RSU1: variants seen among roughly 807,000 people sequenced by gnomAD.
RSU1 encodes Ras suppressor protein 1, also known as rsu-1.
RSU1 carries 26 observed loss-of-function variants against 31.1 expected under a neutral mutation model. The observed-to-expected ratio is 0.84, with a 90% confidence interval of 0.61 to 1.16. RSU1 has a LOEUF of 1.16. Ranked by LOEUF, RSU1 falls within the 50% of genes most tolerant of loss-of-function variation. The pLI is 0.00. For synonymous variants in RSU1, 164 were observed against 136.3 expected (o/e 1.20, Z -1.41); for missense variants, 320 against 339.1 (o/e 0.94, Z 0.44).
chr10:16,619,629 G>C (rs1834035754), intron 8 of RSU1, among the ~76,000 whole-genome samples: 1 of 151,766 alleles, frequency 6.6e-6, no homozygotes, highest in African/African-American at 2.4e-5. Context: ...CAGCTCAATG[G>C]TACATCAAAT....
chr10:16,776,493 A>G (rs1176457412), intron 3 of RSU1, among the ~76,000 whole-genome samples: 1 of 143,462 alleles, frequency 7.0e-6, no homozygotes, highest in Non-Finnish European at 1.5e-5. Flanking sequence ...GTGTATATTA[A>G]AAAAAAAAAA....
chr10:16,775,607 C>T (rs1190894019), intron 3 of RSU1, among the ~76,000 whole-genome samples: 4 of 152,178 alleles, frequency 2.6e-5, no homozygotes, highest in African/African-American at 9.7e-5. Flanking sequence ...CTGGCCTTGG[C>T]TGCACTGGTT....
rs762891402 is a variant in RSU1, at chr10:16,764,373, G to A, written c.281+17C>T. 5.2e-5 allele frequency: 84 copies of A among 1,601,672 alleles called. No homozygotes were observed. The highest frequency in any genetic ancestry group is 2.7e-4 in the East Asian group (12 of 44,420). On this transcript the variant is annotated intron_variant, in intron 4 of 8. Coordinates refer to ENST00000345264, the MANE Select transcript of RSU1 (RefSeq NM_012425.4). ...CACTCTCTTCCTCTCCATCCTTTCC[G>A]CTCCACTGATACTCACCCAAGGTTC...
At chr10:16,734,114 A>G (rs899127029) in intron 7 of RSU1, among the ~76,000 whole-genome samples, 8 of 152,266 alleles carry the variant, frequency 5.3e-5, no homozygotes, top group Non-Finnish European at 1.2e-4. Context: ...GGCAATTTAT[A>G]TAACTGACTG....
chr10:16,762,707 A>AT (rs906044002), intron 4 of RSU1, among the ~76,000 whole-genome samples: 2 of 151,962 alleles, frequency 1.3e-5, no homozygotes, highest in African/African-American at 4.8e-5. Context: ...CATGAATGAG[A>AT]TTTTTTTTCA....
At chr10:16,672,468 G>C (rs1429357161) in intron 8 of RSU1, among the ~76,000 whole-genome samples, 1 of 152,112 alleles carries the variant, frequency 6.6e-6, no homozygotes, top group Non-Finnish European at 1.5e-5. Context: ...TAAGCCTAAC[G>C]TCCACCAGCA....
intron 3 of RSU1, among the ~76,000 whole-genome samples, chr10:16,776,797 G>C (rs1195359274): frequency 2.8e-5 from 4 of 144,874 alleles, no homozygotes; most frequent in African/African-American, 1.1e-4. Flanking sequence ...ACACACATGG[G>C]TCACAAAATT....
At chr10:16,714,764 C>T (rs569933917) in intron 7 of RSU1, among the ~76,000 whole-genome samples, 1 of 152,258 alleles carries the variant, frequency 6.6e-6, no homozygotes, top group South Asian at 2.1e-4. Context: ...TCAATTGCTA[C>T]TGGTGCGCAG....
intron 8 of RSU1, among the ~76,000 whole-genome samples, chr10:16,658,673 G>A (rs564107617): frequency 2.0e-5 from 3 of 152,318 alleles, no homozygotes; most frequent in South Asian, 4.1e-4. Context: ...GCAGTAAGCT[G>A]AGATCGCGCC....
chr10:16,723,049 TAC>T (rs201463219), intron 7 of RSU1: 1 of 151,208 alleles, frequency 6.6e-6, no homozygotes, highest in Non-Finnish European at 1.5e-5. Flanking sequence ...TAGACATACA[TAC>T]ACACATATAT....
chr10:16,788,922 A>G (rs994011814), intron 2 of RSU1, among the ~76,000 whole-genome samples: 5 of 152,236 alleles, frequency 3.3e-5, no homozygotes, highest in Non-Finnish European at 7.3e-5. Flanking sequence ...CAACTGGCAG[A>G]CAATTAGCAG....
At chr10:16,804,642 A>T (rs1838227387) in intron 2 of RSU1, among the ~76,000 whole-genome samples, 1 of 152,266 alleles carries the variant, frequency 6.6e-6, no homozygotes, top group Non-Finnish European at 1.5e-5. Context: ...TGCTAAAAAG[A>T]AATGAGCTAT....
At chr10:16,696,770 G>A (rs182469249) in intron 7 of RSU1, among the ~76,000 whole-genome samples, 1 of 152,296 alleles carries the variant, frequency 6.6e-6, no homozygotes, top group Non-Finnish European at 1.5e-5. Flanking sequence ...AAACCCAGGG[G>A]TGGTATGCAT....
chr10:16,635,362 A>G (rs1834328399), intron 8 of RSU1, among the ~76,000 whole-genome samples: 1 of 152,150 alleles, frequency 6.6e-6, no homozygotes, highest in South Asian at 2.1e-4. Context: ...CAAAACTCTA[A>G]TATGATAATA....
In RSU1 at chr10:16,608,011, T is replaced by G. The variant is rs1462170159; in HGVS notation, c.732-14515A>C. Among the ~76,000 whole-genome samples the G allele has an allele frequency of 4.6e-5, 7 of 152,172 alleles. No homozygotes were observed. The South Asian group carries it at 1.0e-3, about 22-fold the overall frequency. ...ACACCCGGCTCATTTTTGCATTTCT[T>G]GTAGAGATGGAGTTTTGCCTTGTTT... is the stretch of plus-strand genomic sequence containing the variant. On this transcript the variant is annotated intron_variant, in intron 8 of 8. Coordinates refer to ENST00000345264, the MANE Select transcript of RSU1 (RefSeq NM_012425.4).
intron 7 of RSU1, among the ~76,000 whole-genome samples, chr10:16,731,448 A>G (rs1165308137): frequency 1.3e-5 from 2 of 149,914 alleles, no homozygotes; most frequent in Non-Finnish European, 2.9e-5. Flanking sequence ...AAAAAAAAAT[A>G]CTGTGGCAAG....
intron 7 of RSU1, among the ~76,000 whole-genome samples, chr10:16,731,776 T>C (rs985016234): frequency 1.2e-4 from 19 of 152,362 alleles, no homozygotes; most frequent in African/African-American, 2.9e-4. Flanking sequence ...GGCTTGGTCA[T>C]TGATCTTCTC....
chr10:16,812,418 G>A (rs1838428622), intron 2 of RSU1, among the ~76,000 whole-genome samples: 1 of 151,930 alleles, frequency 6.6e-6, no homozygotes, highest in African/African-American at 2.4e-5. Context: ...CTCCAGCCTG[G>A]GCAACAGAGC....
At chr10:16,680,405 G>A (rs1835307886) in intron 8 of RSU1, among the ~76,000 whole-genome samples, 1 of 152,110 alleles carries the variant, frequency 6.6e-6, no homozygotes. Flanking sequence ...CAAGGACTGT[G>A]TTAGTTCATT....
Sources: allele counts gnomAD v4.1 joint callset (sites outside exome capture counted in the v4.1 genomes callset), GRCh38; gene constraint gnomAD v4.1.1; transcripts MANE v1.5; gene names NCBI Gene and HGNC (gene_info 2026-07-23, HGNC 2026-07-21).